Variants in POLR2F observed in about 807,000 individuals in gnomAD.
POLR2F encodes DNA-directed RNA polymerases I, II, and III subunit RPABC2.
A neutral mutation model predicts 22.7 loss-of-function variants in POLR2F; 12 were observed. That is an observed-to-expected ratio of 0.53 (90% CI 0.34 to 0.86). POLR2F has a LOEUF of 0.86. Ranked by LOEUF, POLR2F falls within the 40% of genes least tolerant of loss-of-function variation. POLR2F has a pLI of 0.02. For missense variants in POLR2F, 126 were observed against 171.5 expected, an observed-to-expected ratio of 0.73 and a Z score of 1.48; for synonymous variants, 57 against 66.0, an observed-to-expected ratio of 0.86 and a Z score of 0.66.
chr22:37,985,465 G>T (rs769171040), upstream of POLR2F, among the ~76,000 whole-genome samples: 1 of 151,930 alleles, frequency 6.6e-6, no homozygotes, highest in East Asian at 1.9e-4. Context: ...CCCATCCTCC[G>T]TTGACACCTT....
intron 1 of POLR2F, among the ~76,000 whole-genome samples, chr22:38,022,861 G>T (rs1367664358): frequency 6.6e-6 from 1 of 151,886 alleles, no homozygotes; most frequent in Non-Finnish European, 1.5e-5. Flanking sequence ...AAAAATACAA[G>T]AAATTAGCCG....
intron 1 of POLR2F, among the ~76,000 whole-genome samples, chr22:38,025,353 AACGT>A (rs2084997345): frequency 6.6e-6 from 1 of 151,966 alleles, no homozygotes; most frequent in Non-Finnish European, 1.5e-5. Flanking sequence ...ACACAATCAC[AACGT>A]ACACACACAC....
rs1163952812 is a variant in POLR2F at position 37,986,254 on chromosome 22, G to A, written c.64G>A (p.Ala22Thr). ...GTCGTGTCCCGGCTGCCCTGCAGTC[G>A]CCTCCAACACCCGCTGCTGCCCGCC... is the stretch of plus-strand genomic sequence containing the variant. Residue 22 changes from alanine (A) to threonine (T), a missense_variant, in exon 1 of 3, where the codon GCC (alanine) becomes ACC (threonine). By Grantham distance (58) the Ala-to-Thr change is moderately conservative. Transcript: ENST00000333418. This position sits in a 1 kb window ranked among gnomAD's most constrained non-coding sequence, Gnocchi z 4.7. The A allele has an allele frequency of 4.5e-6, 7 of 1,540,026 alleles. No individual in the cohort carries two copies. The highest frequency in any genetic ancestry group is 2.4e-5 in the East Asian group (1 of 40,916).
At chr22:38,027,618 C>A (rs1353660427), downstream of POLR2F, among the ~76,000 whole-genome samples, 1 of 152,130 alleles carries the variant, frequency 6.6e-6, no homozygotes, top group Non-Finnish European at 1.5e-5. Context: ...CAGAGCTTGG[C>A]CCCCAACAAT....
In POLR2F at chr22:37,953,702, C is replaced by T; in HGVS notation, c.-86C>T. ...GGTTACGGCGCAGGCGCAAGATAAG[C>T]TAGGAGCCGCGCGAGTCGTAGTGTC... On this transcript the variant is annotated 5_prime_UTR_variant, in exon 1 of 5. Transcript: ENST00000442738. 6.6e-7 allele frequency: 1 copy of T among 1,511,148 alleles called. No homozygotes were observed. Among genetic ancestry groups the T allele is most frequent in the Non-Finnish European group, 9.0e-7 (1 of 1,116,414 alleles). The allele number at this position is 1,511,148 out of a possible 1,614,324, so 93.6% of individuals were successfully genotyped here.
chr22:38,006,706 G>A (rs571436101), intron 1 of POLR2F, among the ~76,000 whole-genome samples: 2 of 152,326 alleles, frequency 1.3e-5, no homozygotes, highest in South Asian at 2.1e-4. Context: ...GCTTGGGGAG[G>A]CAGCAACGGG....
chr22:37,966,307 G>A (rs1223511552), intron 3 of POLR2F, among the ~76,000 whole-genome samples: 3 of 152,084 alleles, frequency 2.0e-5, no homozygotes, highest in African/African-American at 4.8e-5. Context: ...AAAGTAGCAC[G>A]GGACTGTGCT....
chr22:38,007,261 C>G (rs1250549011), intron 1 of POLR2F, among the ~76,000 whole-genome samples: 1 of 152,132 alleles, frequency 6.6e-6, no homozygotes, highest in Non-Finnish European at 1.5e-5. Context: ...TAGCAGCCAC[C>G]CAGGACTGCC....
upstream of POLR2F, among the ~76,000 whole-genome samples, chr22:37,982,747 T>TAGGA (rs1932439681): frequency 2.0e-5 from 3 of 151,896 alleles, no homozygotes; most frequent in Admixed American, 2.0e-4. Flanking sequence ...GTCCTCTCCC[T>TAGGA]AGGAGGATGA....
At chr22:37,990,183 G>C (rs757531194) in intron 1 of POLR2F, among the ~76,000 whole-genome samples, 3 of 152,190 alleles carry the variant, frequency 2.0e-5, no homozygotes, top group Non-Finnish European at 4.4e-5. Flanking sequence ...TGGCTTCCTG[G>C]AGGCAGAGGG....
chr22:37,992,189 C>A (rs1288220940), intron 1 of POLR2F, among the ~76,000 whole-genome samples: 2 of 152,108 alleles, frequency 1.3e-5, no homozygotes, highest in Non-Finnish European at 2.9e-5. Context: ...GTGTCCTTGG[C>A]AAATGAGTTA....
At chr22:37,991,019 C>T (rs986274933) in intron 1 of POLR2F, among the ~76,000 whole-genome samples, 21 of 152,306 alleles carry the variant, frequency 1.4e-4, no homozygotes, top group African/African-American at 2.4e-4. Flanking sequence ...TGGTGGTTCA[C>T]GCCTGTAATC....
At chr22:37,967,027 C>T (rs1931879040) in intron 3 of POLR2F, 72 bp from the exon 4 acceptor site, 1 of 1,125,498 alleles carries the variant, frequency 8.9e-7, no homozygotes, top group Admixed American at 2.3e-5. Flanking sequence ...GGATGCCGTT[C>T]CACCCTCACT....
chr22:38,041,638 G>C (rs1256538746), downstream of POLR2F: 1 of 152,856 alleles, frequency 6.5e-6, no homozygotes, highest in Non-Finnish European at 1.5e-5. Context: ...TTATAGTTGG[G>C]GAAACTGAGG....
At chr22:38,006,888 G>A (rs1267280143) in intron 1 of POLR2F, among the ~76,000 whole-genome samples, 1 of 152,242 alleles carries the variant, frequency 6.6e-6, no homozygotes, top group Non-Finnish European at 1.5e-5. Flanking sequence ...ATTAGAAGGA[G>A]CTTGGGAGAG....
intron 5 of POLR2F, chr22:38,040,815 G>A (rs2085164932): frequency 1.8e-6 from 1 of 546,838 alleles, no homozygotes. Flanking sequence ...GAGCATGGCA[G>A]TTTGGGCTTG....
At chr22:37,961,732 C>T (rs1397424319) in intron 3 of POLR2F, among the ~76,000 whole-genome samples, 2 of 152,052 alleles carry the variant, frequency 1.3e-5, no homozygotes, top group Non-Finnish European at 2.9e-5. Flanking sequence ...TTTTTCCCCC[C>T]AGGCTCACCT....
chr22:37,955,394 C>T (rs1452214115), intron 1 of POLR2F, among the ~76,000 whole-genome samples: 3 of 151,806 alleles, frequency 2.0e-5, no homozygotes, highest in African/African-American at 7.3e-5. Flanking sequence ...CAAAAATTAG[C>T]TGGGCATGGT....
rs1009161686 is a variant in POLR2F at position 37,955,679 on chromosome 22, T to G, written c.21-1094T>G. On this transcript the variant is annotated intron_variant, in intron 1 of 4. Coordinates refer to ENST00000442738, the MANE Select transcript of POLR2F (RefSeq NM_021974.5). ...CAAAAGTCGGATTTACTTCTTCTTC[T>G]TATTATTATTTTTTATTTTTTGAGA... Among the ~76,000 whole-genome samples, 4 of 151,848 alleles carry G rather than the reference T, an allele frequency of 2.6e-5. No individual in the cohort carries two copies. In the East Asian group the frequency reaches 7.7e-4, roughly 29 times the overall value.
Sources: gnomAD v4.1 joint callset for allele counts (sites outside exome capture counted in the v4.1 genomes callset) on GRCh38, gnomAD v4.1.1 for gene constraint, Gnocchi (gnomAD v3.1) non-coding constraint, MANE v1.5 for transcripts, NCBI Gene and HGNC (gene_info 2026-07-23, HGNC 2026-07-21) for gene names.